C19orf47: variants seen among roughly 807,000 people sequenced by gnomAD.
C19orf47 encodes uncharacterized protein C19orf47.
In C19orf47, 18 loss-of-function variants were observed where a neutral mutation model predicts 32.3. The ratio of observed to expected loss-of-function variants is 0.56; its 90% CI spans 0.39 to 0.83. The LOEUF is 0.83. Ranked by LOEUF, C19orf47 falls within the 40% of genes least tolerant of loss-of-function variation. The pLI, the probability that C19orf47 is intolerant of heterozygous loss-of-function variation, is 0.00. For synonymous variants in C19orf47, 202 were observed against 211.1 expected (o/e 0.96, Z 0.37); for missense variants, 484 against 531.6 (o/e 0.91, Z 0.88).
Position 40,338,308 on chromosome 19 carries a change from CATATATATACACAAAT to C in C19orf47, c.20-1917_20-1902del, listed in dbSNP as rs562005758. On this transcript the variant is annotated intron_variant, in intron 2 of 8. Coordinates refer to ENST00000683109, the MANE Select transcript of C19orf47 (RefSeq NM_001256441.2). ...ACACACACAAATATATATATATACA[CATATATATACACAAAT>C]ATATATATACACAAATATATATATA... Among the ~76,000 whole-genome samples the C allele has an allele frequency of 4.6e-3, 677 of 148,314 alleles. 8 individuals carry two copies. Among genetic ancestry groups the C allele is most frequent in the African/African-American group, 0.015 (599 of 40,186 alleles).
At chr19:40,318,186 C>T (rs762678018), downstream of C19orf47, among the ~76,000 whole-genome samples, 2 of 151,946 alleles carry the variant, frequency 1.3e-5, no homozygotes, top group African/African-American at 2.4e-5. Flanking sequence ...GAGTTCGAGC[C>T]CAGCATAGGG....
At chr19:40,336,529 G>A in intron 2 of C19orf47, 122 bp from the exon 3 acceptor site, 3 of 821,748 alleles carry the variant, frequency 3.7e-6, no homozygotes, top group East Asian at 2.7e-5. Flanking sequence ...CCTGCATGGA[G>A]TGCTCCACAC....
intron 5 of C19orf47, among the ~76,000 whole-genome samples, chr19:40,331,480 AC>A (rs1382046870): frequency 1.3e-5 from 2 of 152,100 alleles, no homozygotes; most frequent in African/African-American, 2.4e-5. Context: ...AGAAATAAAC[AC>A]CCATGTTTTA....
chr19:40,321,421 G>A lies in C19orf47; in HGVS notation c.*461C>T. On this transcript the variant is annotated 3_prime_UTR_variant, in exon 9 of 9. Transcript: ENST00000683109. Reference sequence around the variant, plus strand: ...ACAGGGAGAGAGAGAAGTCACAGCAGTGGGGGGAGGCGCAGAGGAGTGAGG... The same window carrying A: ...ACAGGGAGAGAGAGAAGTCACAGCAATGGGGGGAGGCGCAGAGGAGTGAGG... 1.0e-6 allele frequency: 1 copy of A among 997,866 alleles called. No homozygotes were observed. The highest frequency in any genetic ancestry group is 4.5e-5 in the South Asian group (1 of 22,104). The allele number at this position is 997,866 out of a possible 1,614,324, so 61.8% of individuals were successfully genotyped here. A position where few individuals can be genotyped will look rare whatever the true frequency, so the allele number is the denominator to read the frequency against.
In C19orf47 at chr19:40,322,179, A is replaced by C; in HGVS notation, c.861T>G (p.Ala287=). 1 of 1,612,458 alleles carries C rather than the reference A, an allele frequency of 6.2e-7. No individual in the cohort carries two copies. The highest frequency in any genetic ancestry group is 8.5e-7 in the Non-Finnish European group (1 of 1,179,844). Reference sequence around the variant, plus strand: ...CCAGGCGCCGCAGTGTCGGGGCAGCAGCCGTTGTCGCTGAGCTTGTGGCCT... The same window carrying C: ...CCAGGCGCCGCAGTGTCGGGGCAGCCGCCGTTGTCGCTGAGCTTGTGGCCT... ...KAKATSSATT[A]AAPTLRRLAL... The change falls in exon 9 of 9, where the codon GCT becomes GCG. Residue 287 remains alanine, a synonymous_variant. Coordinates refer to ENST00000683109, the MANE Select transcript of C19orf47 (RefSeq NM_001256441.2).
chr19:40,333,086 C>T (rs1337169610), intron 5 of C19orf47, among the ~76,000 whole-genome samples: 3 of 151,738 alleles, frequency 2.0e-5, no homozygotes, highest in African/African-American at 7.3e-5. Flanking sequence ...GGTGAAACCC[C>T]GTCTCTACTA....
chr19:40,343,096 G>A (rs2078208727), intron 1 of C19orf47, among the ~76,000 whole-genome samples: 3 of 152,042 alleles, frequency 2.0e-5, no homozygotes, highest in Non-Finnish European at 1.5e-5. Flanking sequence ...AGGATCATGG[G>A]GCCCACACTG....
At chr19:40,333,163 C>G (rs564128112) in intron 5 of C19orf47, among the ~76,000 whole-genome samples, 1 of 152,050 alleles carries the variant, frequency 6.6e-6, no homozygotes, top group Non-Finnish European at 1.5e-5. Flanking sequence ...GAGGCTGAGG[C>G]AGGAGGATCG....
chr19:40,301,158 T>G, the C19orf47 span, among the ~76,000 whole-genome samples: 3 of 151,026 alleles, frequency 2.0e-5, no homozygotes, highest in South Asian at 4.2e-4. Context: ...TCTCAGAAAA[T>G]AAAAAGAAAA....
chr19:40,298,406 T>C, the C19orf47 span, among the ~76,000 whole-genome samples: 1 of 152,080 alleles, frequency 6.6e-6, no homozygotes, highest in African/African-American at 2.4e-5. Context: ...CAGATATTAA[T>C]TAAATATCCA....
the C19orf47 span, among the ~76,000 whole-genome samples, chr19:40,297,896 G>A: frequency 3.3e-5 from 5 of 151,240 alleles, no homozygotes; most frequent in South Asian, 8.3e-4. Context: ...AAATAGCCGG[G>A]TTTGGTGGTG....
chr19:40,326,848 G>T (rs1282671749), intron 6 of C19orf47, among the ~76,000 whole-genome samples: 2 of 152,132 alleles, frequency 1.3e-5, no homozygotes, highest in Admixed American at 6.6e-5. Context: ...GCACTCACTT[G>T]TCAACAAGCA....
chr19:40,322,144 G>A lies in C19orf47; in HGVS notation c.896C>T (p.Ser299Leu), dbSNP rs531410101. ...APTLRRLALSSRSGLERKPES... is the reference protein window; with the variant it reads ...APTLRRLALSLRSGLERKPES... The stretch of plus-strand genomic sequence containing the variant: ...CGGCTTCCTCTCAAGCCCAGACCGT[G>A]AGGAAAGCGCCAGGCGCCGCAGTGT... Residue 299 changes from serine (S) to leucine (L), a missense_variant, in exon 9 of 9, where the codon TCA becomes TTA. Ser to Leu is a moderately radical substitution (Grantham distance 145). This residue lies in a region of C19orf47 where 376 missense variants were observed against 370.2 expected (regional missense o/e 1.02). Coordinates refer to ENST00000683109, the MANE Select transcript of C19orf47 (RefSeq NM_001256441.2). 19 of 1,613,906 alleles carry A rather than the reference G, an allele frequency of 1.2e-5. No homozygotes were observed. In the South Asian group the frequency reaches 2.0e-4, roughly 17 times the overall value.
At position 40,326,419 on chromosome 19, in the gene C19orf47, C is replaced by G; in HGVS notation, c.507G>C (p.Glu169Asp). 1 of 1,614,220 alleles carries G rather than the reference C, an allele frequency of 6.2e-7. No individual in the cohort carries two copies. Among genetic ancestry groups the G allele is most frequent in the Non-Finnish European group, 8.5e-7 (1 of 1,180,050 alleles). Residue 169 changes from glutamate (E) to aspartate (D), a missense_variant, in exon 7 of 9, where the codon GAG becomes GAC. Glu to Asp is a conservative substitution (Grantham distance 45, BLOSUM62 2). Transcript: ENST00000683109. ...VPAKRRRVTA[E>D]MEGKYVINMP... Reference sequence around the variant, plus strand: ...TGTTGATGACGTACTTCCCCTCCATCTCAGCAGTGACCCGGCGCCGCTTGG... The same window carrying G: ...TGTTGATGACGTACTTCCCCTCCATGTCAGCAGTGACCCGGCGCCGCTTGG...
intron 4 of C19orf47, 22 bp downstream of exon 4, chr19:40,336,088 A>G: frequency 6.2e-7 from 1 of 1,605,996 alleles, no homozygotes; most frequent in Non-Finnish European, 8.5e-7. Context: ...CCAGAGACAG[A>G]GGGGCTGGGC....
At chr19:40,346,566 G>A (rs1363229487) in intron 1 of C19orf47, among the ~76,000 whole-genome samples, 1 of 139,208 alleles carries the variant, frequency 7.2e-6, no homozygotes, top group Non-Finnish European at 1.5e-5. Context: ...CCACTCTGTC[G>A]CCCAGGCTGG....
At chr19:40,314,892 G>T (rs1192844831), downstream of C19orf47, among the ~76,000 whole-genome samples, 1 of 152,054 alleles carries the variant, frequency 6.6e-6, no homozygotes, top group Non-Finnish European at 1.5e-5. Flanking sequence ...TCCCCTTTGA[G>T]GTCTTCCTCC....
downstream of C19orf47, among the ~76,000 whole-genome samples, chr19:40,314,674 TGCCC>T (rs2077650653): frequency 6.6e-6 from 1 of 152,190 alleles, no homozygotes; most frequent in Non-Finnish European, 1.5e-5. Context: ...GTAAATCCCT[TGCCC>T]CCAAGGAGAT....
chr19:40,324,306 C>T (rs2077783958), intron 7 of C19orf47: 2 of 584,032 alleles, frequency 3.4e-6, no homozygotes, highest in Non-Finnish European at 3.1e-6. Flanking sequence ...AGATTCCCTA[C>T]ACCTCAGCAC....
Sources: gnomAD v4.1 joint callset for allele counts (sites outside exome capture counted in the v4.1 genomes callset) on GRCh38, gnomAD v4.1.1 for gene constraint, gnomAD v4.1.1 regional missense constraint, MANE v1.5 for transcripts, NCBI Gene and HGNC (gene_info 2026-07-23, HGNC 2026-07-21) for gene names.